The following RMST variants were observed in gnomAD, a reference collection of about 807,000 sequenced individuals.
RMST encodes the protein rhabdomyosarcoma 2 associated transcript, also known as long intergenic non-protein coding RNA 54.
chr12:97,540,563 C>T (rs538826135), intron 11 of RMST, among the ~76,000 whole-genome samples: 9 of 151,740 alleles, frequency 5.9e-5, no homozygotes, highest in South Asian at 2.1e-4. Flanking sequence ...AGCTTGTAGA[C>T]GGGCAGACCT....
intron 10 of RMST, among the ~76,000 whole-genome samples, chr12:97,496,384 A>T (rs548633107): frequency 6.6e-6 from 1 of 151,472 alleles, no homozygotes; most frequent in African/African-American, 2.5e-5. Context: ...GGTTATTAAA[A>T]ATTAAATATC....
At chr12:97,492,326 A>G (rs1876935070) in intron 5 of RMST, 2 of 162,834 alleles carry the variant, frequency 1.2e-5, no homozygotes, top group South Asian at 3.5e-4. Flanking sequence ...AAGATGTCAC[A>G]TATATTGTGG....
exon 8 of RMST, chr12:97,493,946 C>T (rs1365081871): frequency 1.3e-5 from 2 of 152,156 alleles, no homozygotes; most frequent in Non-Finnish European, 2.9e-5. Flanking sequence ...CAGCTGAAGA[C>T]CATTTTATGC....
At chr12:97,532,656 T>TTG (rs1555233293) in intron 11 of RMST, 1 of 149,418 alleles carries the variant, frequency 6.7e-6, no homozygotes, top group Non-Finnish European at 1.5e-5. Context: ...TTTTTTTTTT[T>TTG]TTTTTTTTTT....
chr12:97,471,785 AG>A (rs1873950322), intron 5 of RMST, among the ~76,000 whole-genome samples: 1 of 152,156 alleles, frequency 6.6e-6, no homozygotes, highest in Admixed American at 6.6e-5. Context: ...CACAACATGC[AG>A]TTGGAAAGGG....
intron 5 of RMST, among the ~76,000 whole-genome samples, chr12:97,472,622 A>T (rs946779960): frequency 1.3e-5 from 2 of 152,138 alleles, no homozygotes; most frequent in Non-Finnish European, 2.9e-5. Context: ...CTTTGAGAAT[A>T]TTATTTTATC....
At chr12:97,513,431 A>G (rs188079642) in intron 10 of RMST, among the ~76,000 whole-genome samples, 11 of 152,336 alleles carry the variant, frequency 7.2e-5, no homozygotes, top group Non-Finnish European at 1.6e-4. Context: ...ATTTATTCCT[A>G]CACTCATTTC....
chr12:97,523,794 C>T (rs1257528023), intron 10 of RMST, among the ~76,000 whole-genome samples: 1 of 152,028 alleles, frequency 6.6e-6, no homozygotes. Context: ...ATTCACATAA[C>T]TGGCCGGGCG....
At chr12:97,485,382 G>A (rs1021486555) in intron 5 of RMST, among the ~76,000 whole-genome samples, 26 of 152,034 alleles carry the variant, frequency 1.7e-4, no homozygotes, top group Non-Finnish European at 5.9e-5. Context: ...ACTGAAAATT[G>A]GTTACCTGTA....
rs534435955 is a variant in RMST at position 97,517,715 on chromosome 12, C to T, written n.1341-12940C>T. On this transcript the variant is annotated intron_variant and non_coding_transcript_variant, in intron 10 of 13. Transcript: ENST00000640149. ...CTTTGCTGATGTTCTTGTAAATTGT[C>T]TCACACTTTTTTTCTGTAAATTAAT... Among the ~76,000 whole-genome samples the T allele has an allele frequency of 1.2e-4, 19 of 152,044 alleles. No individual in the cohort carries two copies. The South Asian group carries it at 3.7e-3, about 30-fold the overall frequency.
chr12:97,487,127 G>A (rs1876200652), intron 5 of RMST, among the ~76,000 whole-genome samples: 1 of 152,108 alleles, frequency 6.6e-6, no homozygotes, highest in Non-Finnish European at 1.5e-5. Flanking sequence ...GAAAAGATAA[G>A]TTTTGCATTT....
intron 10 of RMST, among the ~76,000 whole-genome samples, chr12:97,520,874 G>A (rs1431345716): frequency 2.0e-5 from 3 of 152,164 alleles, no homozygotes; most frequent in Non-Finnish European, 4.4e-5. Flanking sequence ...GGAAACATAA[G>A]AATCCTGCTG....
Position 97,516,110 on chromosome 12 carries a change from G to GAT in RMST, n.1341-14544_1341-14543dup, listed in dbSNP as rs1345794393. Among the ~76,000 whole-genome samples, 3 of 152,006 alleles carry GAT rather than the reference G, an allele frequency of 2.0e-5. No individual in the cohort carries two copies. In the East Asian group the frequency reaches 5.8e-4, roughly 29 times the overall value. ...CTATGATGAATCTCCAGTTTTTAGA[G>GAT]ATGTATGATACAGAAACTATGTCAA... On this transcript the variant is annotated intron_variant and non_coding_transcript_variant, in intron 10 of 13. Transcript: ENST00000640149.
At chr12:97,483,498 C>T (rs1368731528) in intron 5 of RMST, 2 of 151,940 alleles carry the variant, frequency 1.3e-5, no homozygotes, top group Admixed American at 6.6e-5. Flanking sequence ...GGTAAGTGGC[C>T]GTAAGCCAGA....
intron 5 of RMST, among the ~76,000 whole-genome samples, chr12:97,475,618 G>A (rs1316777394): frequency 1.4e-5 from 2 of 146,642 alleles, no homozygotes; most frequent in Non-Finnish European, 3.0e-5. Flanking sequence ...CCACATGTCA[G>A]GCATCATTTT....
At chr12:97,480,667 T>G (rs1875169213) in intron 5 of RMST, among the ~76,000 whole-genome samples, 1 of 152,180 alleles carries the variant, frequency 6.6e-6, no homozygotes, top group Non-Finnish European at 1.5e-5. Context: ...GCTTCCTCCC[T>G]CTTTCTAGTC....
chr12:97,558,717 C>G (rs1176214310), intron 11 of RMST, among the ~76,000 whole-genome samples: 1 of 152,010 alleles, frequency 6.6e-6, no homozygotes, highest in Non-Finnish European at 1.5e-5. Flanking sequence ...CAATTTCACT[C>G]TTATAGTGAT....
At chr12:97,540,082 C>T (rs1209976287) in intron 11 of RMST, among the ~76,000 whole-genome samples, 2 of 151,666 alleles carry the variant, frequency 1.3e-5, no homozygotes, top group East Asian at 1.9e-4. Context: ...GACTGCTTGG[C>T]GTATCCTGAT....
intron 11 of RMST, among the ~76,000 whole-genome samples, chr12:97,551,085 C>T (rs1883273955): frequency 6.6e-6 from 1 of 151,342 alleles, no homozygotes. Flanking sequence ...CTTTCTACAA[C>T]ACCACAATAT....
Sources: allele counts gnomAD v4.1 joint callset (sites outside exome capture counted in the v4.1 genomes callset), GRCh38; gene constraint gnomAD v4.1.1; transcripts MANE v1.5; gene names NCBI Gene and HGNC (gene_info 2026-07-23, HGNC 2026-07-21).